MYH1: variants seen among roughly 807,000 people sequenced by gnomAD.
The protein encoded by MYH1 is myosin-1.
MYH1 carries 214 observed loss-of-function variants against 225.6 expected under a neutral mutation model. That is an observed-to-expected ratio of 0.95 (90% CI 0.85 to 1.06). MYH1 has a LOEUF of 1.06. Among genes scored for constraint, MYH1 ranks in the 50% least tolerant of loss-of-function variants. The pLI is 0.00. For synonymous variants in MYH1, 774 were observed against 842.3 expected, an observed-to-expected ratio of 0.92 and a Z score of 1.40; for missense variants, 2,098 against 2,344.2, an observed-to-expected ratio of 0.89 and a Z score of 2.17.
intron 28 of MYH1, among the ~76,000 whole-genome samples, chr17:10,500,253 G>A (rs2073037207): frequency 6.6e-6 from 1 of 152,000 alleles, no homozygotes; most frequent in Non-Finnish European, 1.5e-5. Flanking sequence ...GTGAAAAGAG[G>A]TACTGTAAGG....
chr17:10,495,936 A>G lies in MYH1; in HGVS notation c.5169+14T>C, dbSNP rs776395350. 17 of 1,613,860 alleles carry G rather than the reference A, an allele frequency of 1.1e-5. No individual in the cohort carries two copies. Among genetic ancestry groups the G allele is most frequent in the African/African-American group, 9.3e-5 (7 of 74,896 alleles). ...ATACCCTTGTATTTGTTGCTATTCT[A>G]TTATTACATGCACCTGGGTGTGCAG... On this transcript the variant is annotated intron_variant, in intron 35 of 39. Coordinates refer to ENST00000226207, the MANE Select transcript of MYH1 (RefSeq NM_005963.4).
Position 10,507,940 on chromosome 17 carries a change from C to T in MYH1, c.1914G>A (p.Lys638=). Residue 638 remains lysine, a synonymous_variant, in exon 17 of 40, where the codon AAG becomes AAA. Coordinates refer to ENST00000226207, the MANE Select transcript of MYH1 (RefSeq NM_005963.4). ...AAGAACCCTTCTTCTTACCACCTTT[C>T]TTTCCACCGCCAGCCTCTGAGGGGA... ...TGAEAEAGGG[K]KGGKKKGSSF... The T allele has an allele frequency of 6.2e-7, 1 of 1,613,618 alleles. No homozygotes were observed. Among genetic ancestry groups the T allele is most frequent in the Non-Finnish European group, 8.5e-7 (1 of 1,179,762 alleles).
chr17:10,502,901 G>A lies in MYH1; in HGVS notation c.2948C>T (p.Thr983Ile), dbSNP rs199775273. The change falls in exon 24 of 40, where the codon ACA becomes ATA. Residue 983 changes from threonine to isoleucine, a missense_variant. Coordinates refer to ENST00000226207, the MANE Select transcript of MYH1 (RefSeq NM_005963.4). ...TTCATCCAGACCCGCCATCTCTTCT[G>A]TGAGGTTTTTCACCTACAAAGGTGA... ...HATENKVKNL[T>I]EEMAGLDETI... is the part of the protein sequence containing the mutation. 1.2e-4 allele frequency: 186 copies of A among 1,614,074 alleles called. No homozygotes were observed. Among genetic ancestry groups the A allele is most frequent in the East Asian group, 4.0e-4 (18 of 44,868 alleles).
chr17:10,497,683 G>A (rs1567715720), intron 31 of MYH1, 51 bp downstream of exon 31: 2 of 1,602,988 alleles, frequency 1.2e-6, no homozygotes, highest in Non-Finnish European at 1.7e-6. Flanking sequence ...GAAGGTAGCA[G>A]GCTATTGTTA....
Position 10,502,754 on chromosome 17 carries a change from T to C in MYH1, c.3095A>G (p.Glu1032Gly). Reference sequence around the variant, plus strand: ...TAGGCTTACATCATCCACTTGTTGTTCAAGTTTGATTTTAGCTTTGGTCAG... The same window carrying C: ...TAGGCTTACATCATCCACTTGTTGTCCAAGTTTGATTTTAGCTTTGGTCAG... Reference protein sequence around the residue: ...NTLTKAKIKLEQQVDDLEGSL... With the variant: ...NTLTKAKIKLGQQVDDLEGSL... The change falls in exon 24 of 40, where the codon GAA becomes GGA. Residue 1032 changes from glutamate to glycine, a missense_variant. Coordinates refer to ENST00000226207, the MANE Select transcript of MYH1 (RefSeq NM_005963.4). 1 of 1,614,172 alleles carries C rather than the reference T, an allele frequency of 6.2e-7. No individual in the cohort carries two copies. Among genetic ancestry groups the C allele is most frequent in the Non-Finnish European group, 8.5e-7 (1 of 1,180,038 alleles).
Position 10,509,525 on chromosome 17 carries a change from A to C in MYH1, c.1547T>G (p.Phe516Cys), listed in dbSNP as rs1345367913. The C allele has an allele frequency of 1.9e-6, 3 of 1,614,174 alleles. No homozygotes were observed. Among genetic ancestry groups the C allele is most frequent in the Admixed American group, 3.3e-5 (2 of 60,022 alleles). The change falls in exon 15 of 40, where the codon TTT becomes TGT. Residue 516 changes from phenylalanine (F) to cysteine (C), a missense_variant. Phe to Cys is a radical substitution (Grantham distance 205). Coordinates refer to ENST00000226207, the MANE Select transcript of MYH1 (RefSeq NM_005963.4). ...GATGCAGGCAGCCAGGTCCATCCCA[A>C]AGTCAATGAACGTCCACTCAATGCC... is the stretch of plus-strand genomic sequence containing the variant. ...KEGIEWTFID[F>C]GMDLAACIEL... is the part of the protein sequence containing the mutation.
intron 16 of MYH1, 102 bp downstream of exon 16, chr17:10,508,261 T>A (rs1315954601): frequency 1.6e-5 from 21 of 1,320,166 alleles, no homozygotes; most frequent in Non-Finnish European, 2.2e-5. Context: ...TCAGGCAATC[T>A]ACCCACCTTG....
At chr17:10,496,208 A>G (rs1262751801) in intron 34 of MYH1, 33 bp downstream of exon 34, 7 of 1,613,962 alleles carry the variant, frequency 4.3e-6, no homozygotes, top group Admixed American at 1.7e-5. Context: ...AGGCACCCCA[A>G]TTGTCCTGGG....
At chr17:10,511,808 C>T (rs753407089) in intron 14 of MYH1, 31 bp downstream of exon 14, 3 of 1,613,728 alleles carry the variant, frequency 1.9e-6, no homozygotes, top group Non-Finnish European at 2.5e-6. Flanking sequence ...TTGTTGGAAA[C>T]TTTTTTGGTA....
rs779637570 is a variant in MYH1 at position 10,497,307 on chromosome 17, C to T, written c.4511G>A (p.Arg1504Gln). The T allele has an allele frequency of 2.6e-5, 41 of 1,601,890 alleles. No individual in the cohort carries two copies. Among genetic ancestry groups the T allele is most frequent in the Non-Finnish European group, 3.4e-5 (40 of 1,177,012 alleles). Residue 1504 changes from arginine to glutamine, a missense_variant, in exon 32 of 40, where the codon CGG (arginine) becomes CAG (glutamine). Arg to Gln is a conservative substitution (Grantham distance 43, BLOSUM62 1). Transcript: ENST00000226207. ...CTCACGTTGCAAATTCTTATTTTCC[C>T]GTTTCAAGGTTTCAAGTTGGTCTAA... ...ESLDQLETLKRENKNLQQEIS... is the reference protein window; with the variant it reads ...ESLDQLETLKQENKNLQQEIS...
chr17:10,498,505 C>T (rs1376870112), intron 30 of MYH1, 121 bp downstream of exon 30: 1 of 1,388,680 alleles, frequency 7.2e-7, no homozygotes, highest in Non-Finnish European at 9.9e-7. Context: ...AAGGCATCTA[C>T]CAAAACATTA....
chr17:10,494,511 T>C (rs2072967056), intron 38 of MYH1, 58 bp downstream of exon 38: 2 of 1,610,846 alleles, frequency 1.2e-6, no homozygotes, highest in East Asian at 2.2e-5. Context: ...TTGTCATACA[T>C]ATGACTTTTA....
chr17:10,499,452 A>G (rs77753912), intron 28 of MYH1, among the ~76,000 whole-genome samples: 2 of 152,338 alleles, frequency 1.3e-5, no homozygotes, highest in East Asian at 3.9e-4. Context: ...TTTGCCTTCC[A>G]TTGAAAGTTG....
At chr17:10,502,379 G>A (rs1027280099) in intron 24 of MYH1, among the ~76,000 whole-genome samples, 1 of 152,192 alleles carries the variant, frequency 6.6e-6, no homozygotes, top group Non-Finnish European at 1.5e-5. Context: ...CTTTGCTGCT[G>A]CTATGCTGCC....
At chr17:10,510,311 G>C (rs1373267006) in intron 14 of MYH1, among the ~76,000 whole-genome samples, 1 of 152,108 alleles carries the variant, frequency 6.6e-6, no homozygotes, top group Non-Finnish European at 1.5e-5. Context: ...GCTAATATTT[G>C]GTGAACATTT....
intron 14 of MYH1, among the ~76,000 whole-genome samples, chr17:10,510,098 G>A (rs539809299): frequency 8.5e-5 from 13 of 152,196 alleles, no homozygotes; most frequent in African/African-American, 2.4e-4. Flanking sequence ...ATACGTGGGC[G>A]ACACAGCTTA....
In MYH1 at chr17:10,516,192, A is replaced by C. The variant is rs2073226138; in HGVS notation, c.348+7T>G. ...TCATGAGTAGAAGACCGTGAGAAAG[A>C]ACTCACGTAGATCATCCAGGCTGCG... On this transcript the variant is annotated splice_region_variant and intron_variant, in intron 4 of 39. Coordinates refer to ENST00000226207, the MANE Select transcript of MYH1 (RefSeq NM_005963.4). 2 of 1,614,132 alleles carry C rather than the reference A, an allele frequency of 1.2e-6. No individual in the cohort carries two copies. The highest frequency in any genetic ancestry group is 1.7e-6 in the Non-Finnish European group (2 of 1,179,968).
chr17:10,497,705 A>G (rs73974723), intron 31 of MYH1, 29 bp downstream of exon 31: 3 of 1,612,008 alleles, frequency 1.9e-6, no homozygotes, highest in Non-Finnish European at 8.5e-7. Flanking sequence ...TTCTGTGTTG[A>G]AAGTTGAAGC....
At chr17:10,495,880 G>T (rs2072986932) in intron 35 of MYH1, 70 bp downstream of exon 35, 1 of 1,570,696 alleles carries the variant, frequency 6.4e-7, no homozygotes, top group Non-Finnish European at 8.7e-7. Flanking sequence ...TTTCTTAATA[G>T]TACCACGATT....
Sources: gnomAD v4.1 joint callset for allele counts (sites outside exome capture counted in the v4.1 genomes callset) on GRCh38, gnomAD v4.1.1 for gene constraint, MANE v1.5 for transcripts, NCBI Gene and HGNC (gene_info 2026-07-23, HGNC 2026-07-21) for gene names.